CACNG6: variants seen among roughly 807,000 people sequenced by gnomAD.
CACNG6 encodes voltage-dependent calcium channel gamma-6 subunit.
Under a neutral mutation model 23.9 loss-of-function variants are expected in CACNG6, and 21 were observed. That is an observed-to-expected ratio of 0.88 (90% CI 0.62 to 1.26). The LOEUF is 1.26. Among genes scored for constraint, CACNG6 ranks in the 50% most tolerant of loss-of-function variants. The pLI is 0.00. For missense variants in CACNG6, 340 were observed against 352.9 expected (o/e 0.96, Z 0.29); for synonymous variants, 182 against 168.9 (o/e 1.08, Z -0.60).
At chr19:54,008,177 A>AC (rs1364448893) in intron 3 of CACNG6, among the ~76,000 whole-genome samples, 2 of 151,708 alleles carry the variant, frequency 1.3e-5, no homozygotes, top group Non-Finnish European at 2.9e-5. Flanking sequence ...ACACGGTGAA[A>AC]CCCCATCTCT....
chr19:53,998,750 G>T (rs1445005718), intron 2 of CACNG6, among the ~76,000 whole-genome samples: 2 of 152,042 alleles, frequency 1.3e-5, no homozygotes, highest in African/African-American at 4.8e-5. Flanking sequence ...GACCTCAGGT[G>T]ATCCCTCTCC....
Position 53,998,847 on chromosome 19 carries a change from C to T in CACNG6, c.406+534C>T, listed in dbSNP as rs191656313. 1.2e-3 allele frequency among the ~76,000 whole-genome samples: 176 copies of T among 151,848 alleles called. 2 individuals carry two copies. The highest frequency in any genetic ancestry group is 6.9e-4 in the Non-Finnish European group (47 of 67,954). On this transcript the variant is annotated intron_variant, in intron 2 of 3. Transcript: ENST00000252729. ...TCTTACCCCATCTCTGCCTATGCCA[C>T]GTTCTGTGTCACCCCGGGCAAGTCG...
At chr19:53,997,171 C>T (rs1395324033) in intron 1 of CACNG6, among the ~76,000 whole-genome samples, 1 of 151,858 alleles carries the variant, frequency 6.6e-6, no homozygotes, top group Non-Finnish European at 1.5e-5. Flanking sequence ...TTCCTGGCCT[C>T]AATTTTTGGA....
At position 53,998,235 on chromosome 19, in the gene CACNG6, A is replaced by G. The variant is rs1450752164; in HGVS notation, c.332-4A>G. ...TGTCTGTTTTCTCTCTCCTGCTCCC[A>G]CAGAAGCAAACTGCACCTATTTTAA... On this transcript the variant is annotated splice_polypyrimidine_tract_variant and splice_region_variant and intron_variant, in intron 1 of 3. Coordinates refer to ENST00000252729, the MANE Select transcript of CACNG6 (RefSeq NM_145814.2). The G allele has an allele frequency of 5.6e-6, 9 of 1,613,212 alleles. No individual in the cohort carries two copies. The African/African-American group carries it at 9.4e-5, about 17-fold the overall frequency.
intron 3 of CACNG6, among the ~76,000 whole-genome samples, chr19:54,007,946 G>C (rs2069665628): frequency 6.6e-6 from 1 of 151,926 alleles, no homozygotes; most frequent in Non-Finnish European, 1.5e-5. Flanking sequence ...AAGGAATGAA[G>C]GGGAGTCCTT....
At chr19:54,011,205 A>AATATATATATATATATAT (rs1555819785) in intron 3 of CACNG6, among the ~76,000 whole-genome samples, 10 of 102,444 alleles carry the variant, frequency 9.8e-5, no homozygotes, top group African/African-American at 1.5e-4. Context: ...AAAAAAAAAA[A>AATATATATATATATATAT]ATATATATAT....
In CACNG6 at chr19:54,009,733, T is replaced by C. The variant is rs184244934; in HGVS notation, c.545-2218T>C. On this transcript the variant is annotated intron_variant, in intron 3 of 3. Transcript: ENST00000252729. ...AAGTAATATATAAGCTCCACGAGGG[T>C]AGGGTCTTTCTCTATCATGTTCTTT... Among the ~76,000 whole-genome samples the C allele has an allele frequency of 2.0e-5, 3 of 151,302 alleles. No individual in the cohort carries two copies. In the East Asian group the frequency reaches 6.0e-4, roughly 30 times the overall value.
intron 3 of CACNG6, among the ~76,000 whole-genome samples, chr19:54,002,275 G>GTTTTTTTTTTTTTTTTT (rs1174799698): frequency 1.4e-4 from 16 of 116,430 alleles, no homozygotes; most frequent in African/African-American, 2.8e-4. Flanking sequence ...CGGTTTTTTT[G>GTTTTTTTTTTTTTTTTT]TTTTTTTTGT....
intron 1 of CACNG6, among the ~76,000 whole-genome samples, chr19:53,993,911 C>T (rs1346799793): frequency 1.3e-5 from 2 of 152,070 alleles, no homozygotes; most frequent in African/African-American, 4.8e-5. Context: ...TAGAGAGAGC[C>T]TGTGTCACTA....
intron 2 of CACNG6, among the ~76,000 whole-genome samples, 176 bp downstream of exon 2, chr19:53,998,489 G>A (rs111758774): frequency 0.097 from 14,376 of 148,808 alleles, 994 homozygotes; most frequent in African/African-American, 0.19. Context: ...GGGACATGGT[G>A]CTCTAGAGAA....
At chr19:53,999,857 A>C (rs2069558218) in intron 3 of CACNG6, 86 bp downstream of exon 3, 1 of 1,510,222 alleles carries the variant, frequency 6.6e-7, no homozygotes, top group South Asian at 1.2e-5. Context: ...TGGGGTCTCT[A>C]TGCACTGTTG....
Position 53,998,293 on chromosome 19 carries a change from T to A in CACNG6, c.386T>A (p.Phe129Tyr). ...ACCACGGGGGAGAATGCACGCATCT[T>A]TCAGAGAACCACAAAGAAAGGTGAG... The part of the protein sequence containing the change: ...FFTTGENARI[F>Y]QRTTKKEVNL... The change falls in exon 2 of 4, where the codon TTT (phenylalanine) becomes TAT (tyrosine). Residue 129 changes from phenylalanine to tyrosine, a missense_variant. Physicochemically the swap from Phe to Tyr is conservative, Grantham distance 22. Coordinates refer to ENST00000252729, the MANE Select transcript of CACNG6 (RefSeq NM_145814.2). 6.2e-7 allele frequency: 1 copy of A among 1,613,976 alleles called. No homozygotes were observed.
chr19:53,995,507 G>A (rs1292407195), intron 1 of CACNG6, among the ~76,000 whole-genome samples: 3 of 152,164 alleles, frequency 2.0e-5, no homozygotes, highest in Non-Finnish European at 4.4e-5. Flanking sequence ...GTCGAATTGG[G>A]ATGTGCTAAA....
chr19:54,005,435 C>A (rs1391763015), intron 3 of CACNG6, among the ~76,000 whole-genome samples: 3 of 145,852 alleles, frequency 2.1e-5, no homozygotes, highest in South Asian at 2.1e-4. Flanking sequence ...AACCTGATCT[C>A]AAAAAAAAAT....
intron 1 of CACNG6, among the ~76,000 whole-genome samples, chr19:53,995,149 T>C (rs1330220234): frequency 6.6e-6 from 1 of 152,004 alleles, no homozygotes; most frequent in African/African-American, 2.4e-5. Context: ...AACAACTGCA[T>C]TATATCACAT....
In CACNG6 at chr19:53,992,829, C is replaced by T; in HGVS notation, c.-49C>T. ...GCTCCTCGCTCCCGCCCCTCGAGGC[C>T]CTTCGCCGGCTCTGCCTCCTCCCCC... On this transcript the variant is annotated 5_prime_UTR_variant, in exon 1 of 4. Transcript: ENST00000252729. This position sits in a 1 kb window ranked among gnomAD's most constrained non-coding sequence, Gnocchi z 4.1. 2 of 1,311,258 alleles carry T rather than the reference C, an allele frequency of 1.5e-6. No individual in the cohort carries two copies. Among genetic ancestry groups the T allele is most frequent in the East Asian group, 2.8e-5 (1 of 35,272 alleles). The allele number at this position is 1,311,258 out of a possible 1,614,324, so 81.2% of individuals were successfully genotyped here. A position where few individuals can be genotyped will look rare whatever the true frequency, so the allele number is the denominator to read the frequency against.
At chr19:53,993,850 C>T (rs1393004909) in intron 1 of CACNG6, among the ~76,000 whole-genome samples, 1 of 151,616 alleles carries the variant, frequency 6.6e-6, no homozygotes, top group Admixed American at 6.6e-5. Flanking sequence ...TGCCCCCACA[C>T]AGCCAATGTT....
chr19:54,008,572 C>T (rs976795412), intron 3 of CACNG6, among the ~76,000 whole-genome samples: 5 of 152,142 alleles, frequency 3.3e-5, no homozygotes, highest in African/African-American at 9.7e-5. Context: ...CTCTCCCCAA[C>T]CCCAACTCTC....
chr19:53,996,195 T>C (rs2069519366), intron 1 of CACNG6, among the ~76,000 whole-genome samples: 1 of 152,202 alleles, frequency 6.6e-6, no homozygotes, highest in Admixed American at 6.5e-5. Context: ...ACTCCTGTTA[T>C]TCTCGACCTC....
Sources: gnomAD v4.1 joint callset for allele counts (sites outside exome capture counted in the v4.1 genomes callset) on GRCh38, gnomAD v4.1.1 for gene constraint, Gnocchi (gnomAD v3.1) non-coding constraint, MANE v1.5 for transcripts, NCBI Gene and HGNC (gene_info 2026-07-23, HGNC 2026-07-21) for gene names.